Variants in SMOC2 observed in about 807,000 individuals in gnomAD.
SMOC2 encodes SPARC related modular calcium binding 2.
SMOC2 carries 39 observed loss-of-function variants against 61.4 expected under a neutral mutation model. The ratio of observed to expected loss-of-function variants is 0.64; its 90% CI spans 0.49 to 0.83. The LOEUF is 0.83. Ranked by LOEUF, SMOC2 falls within the 40% of genes least tolerant of loss-of-function variation. The pLI is 0.00. For synonymous variants in SMOC2, 247 were observed against 239.9 expected (o/e 1.03, Z -0.27); for missense variants, 556 against 592.9 (o/e 0.94, Z 0.65).
intron 1 of SMOC2, among the ~76,000 whole-genome samples, chr6:168,450,702 G>A (rs556613656): frequency 6.6e-6 from 1 of 152,180 alleles, no homozygotes; most frequent in Non-Finnish European, 1.5e-5. Context: ...ACCGGGTTCT[G>A]TTTGGAGCTT....
At chr6:168,564,961 G>A (rs1431598915) in intron 7 of SMOC2, among the ~76,000 whole-genome samples, 1 of 152,200 alleles carries the variant, frequency 6.6e-6, no homozygotes, top group African/African-American at 2.4e-5. Flanking sequence ...TTTTAAGCTA[G>A]TGAAGCTGGT....
chr6:168,592,702 C>G (rs865995405), intron 7 of SMOC2, among the ~76,000 whole-genome samples: 2 of 47,818 alleles, frequency 4.2e-5, no homozygotes, highest in East Asian at 1.0e-3. Flanking sequence ...TAGAGGATGG[C>G]CGAGCTCCTC....
intron 7 of SMOC2, among the ~76,000 whole-genome samples, chr6:168,585,512 A>C (rs1381855615): frequency 1.3e-5 from 2 of 152,246 alleles, no homozygotes; most frequent in African/African-American, 2.4e-5. Context: ...TAAAGATACC[A>C]GGTACTAGTC....
intron 1 of SMOC2, among the ~76,000 whole-genome samples, chr6:168,467,491 G>T (rs578190463): frequency 6.6e-6 from 1 of 152,180 alleles, no homozygotes; most frequent in Admixed American, 6.5e-5. Context: ...TGTATTTTTA[G>T]TAGAGATGGG....
At chr6:168,457,913 G>C (rs77364549) in intron 1 of SMOC2, among the ~76,000 whole-genome samples, 3,219 of 152,146 alleles carry the variant, frequency 0.021, 112 homozygotes, top group African/African-American at 0.072. Flanking sequence ...CTTGCAGCCT[G>C]TGTGCCATCA....
rs1313802173 is a variant in SMOC2, at chr6:168,618,730, ACGGTGCG to A, written c.907+10493_907+10499del. On this transcript the variant is annotated intron_variant, in intron 9 of 12. Coordinates refer to ENST00000356284, the MANE Select transcript of SMOC2 (RefSeq NM_001166412.2). ...GGTGAGCACAGATGCAGACAGGAAGACGGTGCGCTCAGGACATCAGTAGCCCAGCTTA... is the reference window on the plus strand; with the variant it reads ...GGTGAGCACAGATGCAGACAGGAAGACTCAGGACATCAGTAGCCCAGCTTA... 3.3e-5 allele frequency among the ~76,000 whole-genome samples: 5 copies of A among 152,248 alleles called. No individual in the cohort carries two copies. The East Asian group carries it at 9.7e-4, about 29-fold the overall frequency.
chr6:168,580,302 C>G (rs1784892640), intron 7 of SMOC2, among the ~76,000 whole-genome samples: 1 of 152,206 alleles, frequency 6.6e-6, no homozygotes, highest in Admixed American at 6.5e-5. Context: ...TTAGAACATA[C>G]ATTTGAGTAT....
At chr6:168,602,035 TATTC>T (rs749268965) in intron 8 of SMOC2, among the ~76,000 whole-genome samples, 3 of 152,184 alleles carry the variant, frequency 2.0e-5, no homozygotes, top group African/African-American at 7.2e-5. Flanking sequence ...CCTTTATTAT[TATTC>T]ATTCATTCAG....
At chr6:168,592,126 C>T (rs149544324) in intron 7 of SMOC2, among the ~76,000 whole-genome samples, 13 of 152,348 alleles carry the variant, frequency 8.5e-5, no homozygotes, top group Non-Finnish European at 1.5e-4. Context: ...GTGGTCCTGC[C>T]GGTGACTCCA....
intron 2 of SMOC2, among the ~76,000 whole-genome samples, chr6:168,513,406 G>A (rs1395722751): frequency 3.3e-5 from 5 of 151,268 alleles, no homozygotes; most frequent in East Asian, 1.9e-4. Context: ...TTTAATTCCC[G>A]TGGTGAAAAC....
intron 7 of SMOC2, among the ~76,000 whole-genome samples, chr6:168,578,288 ACTGGCATCGTGG>A (rs1261659352): frequency 6.6e-6 from 1 of 152,184 alleles, no homozygotes; most frequent in East Asian, 1.9e-4. Context: ...ATGGAAAGTG[ACTGGCATCGTGG>A]CTGGCACATC....
intron 1 of SMOC2, among the ~76,000 whole-genome samples, chr6:168,456,525 C>G (rs543090101): frequency 3.2e-4 from 49 of 152,348 alleles, no homozygotes; most frequent in African/African-American, 1.2e-3. Flanking sequence ...CTCACGGAGA[C>G]TCCCCGGTGC....
intron 7 of SMOC2, among the ~76,000 whole-genome samples, chr6:168,592,373 A>G (rs10945521): frequency 0.13 from 13,514 of 102,802 alleles, 795 homozygotes; most frequent in East Asian, 0.23. Context: ...CCTCACGGGC[A>G]TCTTTCTAGA....
chr6:168,541,889 A>G (rs1783884725), intron 4 of SMOC2, among the ~76,000 whole-genome samples: 1 of 152,132 alleles, frequency 6.6e-6, no homozygotes, highest in Non-Finnish European at 1.5e-5. Flanking sequence ...AGTGTAGAGA[A>G]TGTTTAAATG....
At chr6:168,608,342 G>A in intron 9 of SMOC2, 103 bp downstream of exon 9, 1 of 1,321,470 alleles carries the variant, frequency 7.6e-7, no homozygotes, top group Non-Finnish European at 1.0e-6. Flanking sequence ...TTTCCCAGGG[G>A]GCCTGTCTGA....
chr6:168,558,583 T>C (rs1784305202), intron 7 of SMOC2, among the ~76,000 whole-genome samples: 2 of 152,162 alleles, frequency 1.3e-5, no homozygotes, highest in Admixed American at 1.3e-4. Flanking sequence ...AAAATGGTAA[T>C]GGTAAGACCC....
intron 1 of SMOC2, among the ~76,000 whole-genome samples, chr6:168,463,497 G>A (rs552237967): frequency 1.1e-3 from 173 of 152,224 alleles, no homozygotes; most frequent in Middle Eastern, 3.4e-3. Context: ...AATGCATGTC[G>A]ACATTTAAGG....
rs78749044 is a variant in SMOC2 at position 168,453,337 on chromosome 6, C to T, written c.84+11883C>T. On this transcript the variant is annotated intron_variant, in intron 1 of 12. Transcript: ENST00000356284. This position sits in a 1 kb window ranked among gnomAD's most constrained non-coding sequence, Gnocchi z 4.4. ...TCATTTCGGGCTGTGCCTTTGTCTC[C>T]GGGTCTCCTCCTCACTCTTCTCAGT... is the stretch of plus-strand genomic sequence containing the variant. Among the ~76,000 whole-genome samples, 6 of 152,138 alleles carry T rather than the reference C, an allele frequency of 3.9e-5. No individual in the cohort carries two copies. Among genetic ancestry groups the T allele is most frequent in the South Asian group, 2.1e-4 (1 of 4,820 alleles).
intron 6 of SMOC2, 142 bp downstream of exon 6, chr6:168,547,311 C>G: frequency 1.1e-5 from 7 of 663,914 alleles, no homozygotes; most frequent in Non-Finnish European, 1.8e-5. Context: ...GAAAAGACCA[C>G]GTGATCTTAC....
Sources: allele counts gnomAD v4.1 joint callset (sites outside exome capture counted in the v4.1 genomes callset), GRCh38; gene constraint gnomAD v4.1.1; non-coding constraint Gnocchi (gnomAD v3.1); transcripts MANE v1.5; gene names NCBI Gene and HGNC (gene_info 2026-07-23, HGNC 2026-07-21).